CLDN11: variants seen among roughly 807,000 people sequenced by gnomAD.
The protein encoded by CLDN11 is claudin 11, also known as claudin-11.
CLDN11 carries 1 observed loss-of-function variant against 18.0 expected under a neutral mutation model. The observed-to-expected ratio is 0.06, with a 90% CI of 0.02 to 0.26. The LOEUF is 0.26. Ranked by LOEUF, CLDN11 falls within the 10% of genes least tolerant of loss-of-function variation. The probability of loss-of-function intolerance (pLI) is 1.00; values close to 1 mark genes in which losing one functional copy is unlikely to be tolerated. For missense variants in CLDN11, 172 were observed against 276.6 expected, an observed-to-expected ratio of 0.62 and a Z score of 2.68; for synonymous variants, 116 against 121.5, an observed-to-expected ratio of 0.96 and a Z score of 0.30.
rs1442646597 is a variant in CLDN11, at chr3:170,433,441, A to C, written c.*685A>C. On this transcript the variant is annotated 3_prime_UTR_variant, in exon 3 of 3. Transcript: ENST00000064724. Reference sequence around the variant, plus strand: ...TAGGAGTGAGCCACCACACCGGCCAAGATGCTTTTCAAACTGATACAGATG... The same window carrying C: ...TAGGAGTGAGCCACCACACCGGCCACGATGCTTTTCAAACTGATACAGATG... 6.6e-6 allele frequency: 1 copy of C among 152,122 alleles called. No homozygotes were observed. The highest frequency in any genetic ancestry group is 1.5e-5 in the Non-Finnish European group (1 of 68,064). 9.4% of individuals were successfully genotyped at this position (152,122 alleles called of 1,614,324 possible).
At chr3:170,423,418 A>G in intron 2 of CLDN11, 91 bp downstream of exon 2, 1 of 1,457,366 alleles carries the variant, frequency 6.9e-7, no homozygotes. Flanking sequence ...TTCAAGAGAA[A>G]TGTGAAAGGA....
At chr3:170,420,457 C>A (rs1424101848) in intron 1 of CLDN11, among the ~76,000 whole-genome samples, 8 of 152,198 alleles carry the variant, frequency 5.3e-5, no homozygotes, top group African/African-American at 1.7e-4. Context: ...ATTTCCGGTC[C>A]TCGCAGTCGG....
chr3:170,431,043 A>T (rs781025844), intron 2 of CLDN11, among the ~76,000 whole-genome samples: 1 of 152,136 alleles, frequency 6.6e-6, no homozygotes, highest in Non-Finnish European at 1.5e-5. Flanking sequence ...GGCTTAATCT[A>T]TTGTCAATAA....
intron 2 of CLDN11, among the ~76,000 whole-genome samples, chr3:170,430,262 AT>A (rs1181005750): frequency 6.6e-6 from 1 of 152,206 alleles, no homozygotes; most frequent in Non-Finnish European, 1.5e-5. Context: ...AGAGACTCTG[AT>A]AATAGCCAAG....
rs773820919 is a variant in CLDN11 at position 170,423,202 on chromosome 3, C to T, written c.266C>T (p.Ser89Leu). The change falls in exon 2 of 3, where the codon TCG becomes TTG. Residue 89 changes from serine (S) to leucine (L), a missense_variant. Physicochemically the swap from Ser to Leu is moderately radical, Grantham distance 145 (BLOSUM62 -2). Transcript: ENST00000064724. ...TGCCGCGCCCTGATGATTGCTGCCT[C>T]GGTCCTGGGTCTGCCGGCCATTTTA... The part of the protein sequence containing the change: ...QACRALMIAA[S>L]VLGLPAILLL... 4 of 1,614,064 alleles carry T rather than the reference C, an allele frequency of 2.5e-6. No individual in the cohort carries two copies. The highest frequency in any genetic ancestry group is 2.2e-5 in the East Asian group (1 of 44,894).
chr3:170,422,106 G>C (rs758213589), intron 1 of CLDN11, among the ~76,000 whole-genome samples: 5 of 152,152 alleles, frequency 3.3e-5, no homozygotes, highest in Non-Finnish European at 7.4e-5. Flanking sequence ...CAACAATTTA[G>C]GGGCAGGATC....
At chr3:170,421,238 C>G in intron 1 of CLDN11, 1 of 982,702 alleles carries the variant, frequency 1.0e-6, no homozygotes, top group South Asian at 4.7e-5. Context: ...TCCTCTGTCC[C>G]TATCTTTTGG....
At chr3:170,423,092 C>T in intron 1 of CLDN11, 71 bp from the exon 2 acceptor site, 1 of 1,530,020 alleles carries the variant, frequency 6.5e-7, no homozygotes, top group East Asian at 2.3e-5. Flanking sequence ...TGCTGAATTC[C>T]CCTAAGGCAG....
rs1018619514 is a variant in CLDN11, at chr3:170,433,435, C to G, written c.*679C>G. The G allele has an allele frequency of 6.6e-6, 1 of 152,098 alleles. No homozygotes were observed. The highest frequency in any genetic ancestry group is 1.5e-5 in the Non-Finnish European group (1 of 68,084). The allele number at this position is 152,098 out of a possible 1,614,324, so 9.4% of individuals were successfully genotyped here. A position where few individuals can be genotyped will look rare whatever the true frequency, so the allele number is the denominator to read the frequency against. On this transcript the variant is annotated 3_prime_UTR_variant, in exon 3 of 3. Coordinates refer to ENST00000064724, the MANE Select transcript of CLDN11 (RefSeq NM_005602.6). ...GGATTATAGGAGTGAGCCACCACAC[C>G]GGCCAAGATGCTTTTCAAACTGATA...
At position 170,419,249 on chromosome 3, in the gene CLDN11, G is replaced by A. The variant is rs1738662766; in HGVS notation, c.183G>A (p.Gly61=). The change falls in exon 1 of 3, where the codon GGG becomes GGA. Residue 61 remains glycine (G), a synonymous_variant. Transcript: ENST00000064724. The surrounding 1 kb of genome is among the most constrained non-coding windows in gnomAD (Gnocchi z 8.6). ...GGGCCGACTGCGTCATGGCCACGGG[G>A]CTGTACCACTGCAAGCCCCTGGTGG... ...GLWADCVMAT[G]LYHCKPLVDI... 2 of 1,575,150 alleles carry A rather than the reference G, an allele frequency of 1.3e-6. No homozygotes were observed. Among genetic ancestry groups the A allele is most frequent in the African/African-American group, 1.4e-5 (1 of 73,914 alleles).
At chr3:170,420,792 C>T (rs768377100) in intron 1 of CLDN11, among the ~76,000 whole-genome samples, 89 of 152,136 alleles carry the variant, frequency 5.9e-4, no homozygotes, top group Admixed American at 3.3e-3. Context: ...TTGGCAGACC[C>T]GGGCCAGCCT....
At chr3:170,429,946 A>G (rs1166065373) in intron 2 of CLDN11, among the ~76,000 whole-genome samples, 2 of 152,246 alleles carry the variant, frequency 1.3e-5, no homozygotes, top group East Asian at 3.8e-4. Flanking sequence ...TTTATAGGAA[A>G]GATCGGTTAG....
At chr3:170,421,560 C>T (rs1243894166) in intron 1 of CLDN11, among the ~76,000 whole-genome samples, 2 of 152,180 alleles carry the variant, frequency 1.3e-5, no homozygotes, top group African/African-American at 4.8e-5. Flanking sequence ...GAAGTTAGGC[C>T]TTTTTGCACG....
intron 2 of CLDN11, among the ~76,000 whole-genome samples, chr3:170,427,182 A>G (rs1738876036): frequency 6.6e-6 from 1 of 152,160 alleles, no homozygotes; most frequent in African/African-American, 2.4e-5. Context: ...CCACTTCTCC[A>G]TTTCTTCCAG....
chr3:170,432,429 A>G, intron 2 of CLDN11, 95 bp from the exon 3 acceptor site: 2 of 1,563,008 alleles, frequency 1.3e-6, no homozygotes, highest in Non-Finnish European at 1.7e-6. Flanking sequence ...AGCTGGTTGG[A>G]AGCCACAAGT....
chr3:170,419,351 A>G lies in CLDN11; in HGVS notation c.226+59A>G, dbSNP rs1577466445. ...CCTTATCCTCTGGGTAGAGAGCGGGATATTAGACGGCGTCACAGAGACATT... is the reference window on the plus strand; with the variant it reads ...CCTTATCCTCTGGGTAGAGAGCGGGGTATTAGACGGCGTCACAGAGACATT... On this transcript the variant is annotated intron_variant, in intron 1 of 2. Transcript: ENST00000064724. This position sits in a 1 kb window ranked among gnomAD's most constrained non-coding sequence, Gnocchi z 8.6. The G allele has an allele frequency of 7.8e-7, 1 of 1,285,984 alleles. No individual in the cohort carries two copies. The highest frequency in any genetic ancestry group is 1.1e-6 in the Non-Finnish European group (1 of 924,306). The allele number at this position is 1,285,984 out of a possible 1,614,324, so 79.7% of individuals were successfully genotyped here.
Position 170,419,159 on chromosome 3 carries a change from G to A in CLDN11, c.93G>A (p.Val31=). 6.4e-7 allele frequency: 1 copy of A among 1,553,290 alleles called. No individual in the cohort carries two copies. Among genetic ancestry groups the A allele is most frequent in the South Asian group, 1.2e-5 (1 of 84,148 alleles). Residue 31 remains valine (V), a synonymous_variant, in exon 1 of 3, where the codon GTG becomes GTA. Coordinates refer to ENST00000064724, the MANE Select transcript of CLDN11 (RefSeq NM_005602.6). The surrounding 1 kb of genome is among the most constrained non-coding windows in gnomAD (Gnocchi z 8.6). ...VIVTTSTNDW[V]VTCGYTIPTC... ...TGACCACCTCCACCAATGACTGGGT[G>A]GTGACCTGCGGCTACACCATCCCCA...
chr3:170,425,117 G>A (rs1738821347), intron 2 of CLDN11, among the ~76,000 whole-genome samples: 1 of 152,138 alleles, frequency 6.6e-6, no homozygotes. Context: ...AGTGCTCTAT[G>A]GAGGTCAGGT....
chr3:170,424,945 G>A (rs150427966), intron 2 of CLDN11, among the ~76,000 whole-genome samples: 29 of 151,386 alleles, frequency 1.9e-4, no homozygotes, highest in African/African-American at 2.7e-4. Flanking sequence ...GTGTGTGCGC[G>A]CGTGTGTGTG....
Sources: gnomAD v4.1 joint callset for allele counts (sites outside exome capture counted in the v4.1 genomes callset) on GRCh38, gnomAD v4.1.1 for gene constraint, Gnocchi (gnomAD v3.1) non-coding constraint, MANE v1.5 for transcripts, NCBI Gene and HGNC (gene_info 2026-07-23, HGNC 2026-07-21) for gene names.